The following LCK variants were observed in gnomAD, a reference collection of about 807,000 sequenced individuals.
The protein encoded by LCK is LCK proto-oncogene, Src family tyrosine kinase.
A neutral mutation model predicts 64.6 loss-of-function variants in LCK; 14 were observed. That is an observed-to-expected ratio of 0.22 (90% CI 0.14 to 0.34). The LOEUF is 0.34. Ranked by LOEUF, LCK falls within the 10% of genes least tolerant of loss-of-function variation. The pLI is 1.00. For synonymous variants in LCK, 277 were observed against 263.6 expected, an observed-to-expected ratio of 1.05 and a Z score of -0.49; for missense variants, 434 against 668.1, an observed-to-expected ratio of 0.65 and a Z score of 3.86.
At chr1:32,268,235 T>C (rs994120236) in intron 1 of LCK, among the ~76,000 whole-genome samples, 2 of 151,942 alleles carry the variant, frequency 1.3e-5, no homozygotes, top group Non-Finnish European at 2.9e-5. Context: ...GAAATGCAAA[T>C]GCAGAAAGAG....
Position 32,285,620 on chromosome 1 carries a change from G to A in LCK, c.1434G>A (p.Lys478=). 6.2e-7 allele frequency: 1 copy of A among 1,614,232 alleles called. No individual in the cohort carries two copies. Among genetic ancestry groups the A allele is most frequent in the Non-Finnish European group, 8.5e-7 (1 of 1,180,046 alleles). The part of the protein sequence containing the change: ...ELYQLMRLCW[K]ERPEDRPTFD... ...ACCAACTCATGAGGCTGTGCTGGAA[G>A]GAGCGCCCAGAGGACCGGCCCACCT... Residue 478 remains lysine (K), a synonymous_variant, in exon 13 of 13, where the codon AAG becomes AAA. Coordinates refer to ENST00000336890, the MANE Select transcript of LCK (RefSeq NM_005356.5).
intron 1 of LCK, among the ~76,000 whole-genome samples, chr1:32,259,548 A>T (rs896834083): frequency 6.6e-6 from 1 of 151,614 alleles, no homozygotes; most frequent in African/African-American, 2.4e-5. Flanking sequence ...TGAACCTGGG[A>T]GGCAGAGGTT....
chr1:32,274,599 C>A, intron 2 of LCK, 138 bp from the exon 3 acceptor site: 1 of 914,738 alleles, frequency 1.1e-6, no homozygotes, highest in Non-Finnish European at 1.7e-6. Context: ...CTCCTAAGAT[C>A]ACACAGAAAG....
intron 12 of LCK, among the ~76,000 whole-genome samples, chr1:32,284,251 G>GATATATATATAT (rs149802834): frequency 7.2e-6 from 1 of 138,522 alleles, no homozygotes; most frequent in African/African-American, 2.7e-5. Flanking sequence ...TGCTTTCTGT[G>GATATATATATAT]ATATATATAT....
intron 1 of LCK, chr1:32,274,081 G>A: frequency 2.7e-6 from 2 of 728,974 alleles, no homozygotes; most frequent in Non-Finnish European, 4.3e-6. Flanking sequence ...CATCCCAGGT[G>A]GGAGGGTGGG....
intron 1 of LCK, among the ~76,000 whole-genome samples, chr1:32,272,231 A>C (rs1405217456): frequency 6.6e-6 from 1 of 151,720 alleles, no homozygotes; most frequent in African/African-American, 2.4e-5. Flanking sequence ...TTGCAGGAAA[A>C]AAAAAAAAGG....
At position 32,251,702 on chromosome 1, in the gene LCK, G is replaced by A. The variant is rs1417913382; in HGVS notation, c.-6+331G>A. On this transcript the variant is annotated intron_variant, in intron 1 of 12. Transcript: ENST00000336890. This position sits in a 1 kb window ranked among gnomAD's most constrained non-coding sequence, Gnocchi z 4.0. The stretch of plus-strand genomic sequence containing the variant: ...CCAGTCCCTCAGGCCATGAGGATGA[G>A]GCTCCTGAGGCCCAGAGAGAACAAG... Among the ~76,000 whole-genome samples, 2 of 152,164 alleles carry A rather than the reference G, an allele frequency of 1.3e-5. No homozygotes were observed. Among genetic ancestry groups the A allele is most frequent in the Non-Finnish European group, 2.9e-5 (2 of 68,030 alleles).
chr1:32,251,894 AAGAGAGAGAGAGAGAGAGAGAGAGAG>A lies in LCK; in HGVS notation c.-6+541_-6+566del. On this transcript the variant is annotated intron_variant, in intron 1 of 12. Transcript: ENST00000336890. This position sits in a 1 kb window ranked among gnomAD's most constrained non-coding sequence, Gnocchi z 4.0. ...CCCCAGTGACAAGAATCTCCTGAGA[AAGAGAGAGAGAGAGAGAGAGAGAGAG>A]AGAGAGAGAGAGAGAGACAGAGATC... Among the ~76,000 whole-genome samples the A allele has an allele frequency of 7.6e-6, 1 of 132,342 alleles. No individual in the cohort carries two copies. Among genetic ancestry groups the A allele is most frequent in the East Asian group, 2.3e-4 (1 of 4,384 alleles). 86.8% of individuals were successfully genotyped at this position (132,342 alleles called of 152,430 possible).
At chr1:32,272,962 TG>T (rs1411624767) in intron 1 of LCK, among the ~76,000 whole-genome samples, 2 of 132,844 alleles carry the variant, frequency 1.5e-5, no homozygotes, top group Non-Finnish European at 3.2e-5. Context: ...TGTGTGTGTG[TG>T]GGGTGAGTGC....
chr1:32,275,624 G>A lies in LCK; in HGVS notation c.433G>A (p.Gly145Arg). 3.2e-6 allele frequency: 5 copies of A among 1,573,878 alleles called. No homozygotes were observed. Among genetic ancestry groups the A allele is most frequent in the Non-Finnish European group, 4.3e-6 (5 of 1,160,186 alleles). Residue 145 changes from glycine to arginine, a missense_variant, in exon 6 of 13, where the codon GGG becomes AGG. Around this residue, in one of 2 missense-constraint regions of LCK, gnomAD observed 233 missense variants for 291.2 expected, o/e 0.80. Coordinates refer to ENST00000336890, the MANE Select transcript of LCK (RefSeq NM_005356.5). This position sits in a 1 kb window ranked among gnomAD's most constrained non-coding sequence, Gnocchi z 6.9. ...KDAERQLLAP[G>R]NTHGSFLIRE... ...CGCGGAGCGGCAGCTCCTGGCGCCCGGGAACACTCACGGCTCCTTCCTCAT... is the reference window on the plus strand; with the variant it reads ...CGCGGAGCGGCAGCTCCTGGCGCCCAGGAACACTCACGGCTCCTTCCTCAT...
intron 12 of LCK, 136 bp downstream of exon 12, chr1:32,280,346 G>A (rs970662301): frequency 1.6e-5 from 17 of 1,091,358 alleles, no homozygotes; most frequent in Admixed American, 2.7e-5. Flanking sequence ...TGAGTCCAAC[G>A]TCCCCAGGCA....
At chr1:32,284,640 G>A (rs1640562858) in intron 12 of LCK, among the ~76,000 whole-genome samples, 1 of 152,122 alleles carries the variant, frequency 6.6e-6, no homozygotes, top group African/African-American at 2.4e-5. Context: ...ACCATGCTGG[G>A]ATTACAGGCA....
At chr1:32,281,296 A>C (rs545245310) in intron 12 of LCK, among the ~76,000 whole-genome samples, 86 of 150,942 alleles carry the variant, frequency 5.7e-4, no homozygotes, top group Non-Finnish European at 9.6e-4. Context: ...AACAAACAAA[A>C]AAAACATTTA....
At chr1:32,280,443 CTTTTTT>C (rs770430504) in intron 12 of LCK, among the ~76,000 whole-genome samples, 2 of 84,744 alleles carry the variant, frequency 2.4e-5, no homozygotes, top group African/African-American at 5.5e-5. Context: ...TTTTCTTTTT[CTTTTTT>C]TTTTTTTTTT....
At chr1:32,270,148 C>G (rs1244298099) in intron 1 of LCK, among the ~76,000 whole-genome samples, 1 of 151,970 alleles carries the variant, frequency 6.6e-6, no homozygotes, top group African/African-American at 2.4e-5. Context: ...TCTCTGTCAC[C>G]CAAGTTGGAG....
In LCK at chr1:32,275,495, CGGT is replaced by C. The variant is rs1640233009; in HGVS notation, c.378-72_378-70del. On this transcript the variant is annotated intron_variant, in intron 5 of 12. Transcript: ENST00000336890. The surrounding 1 kb of genome is among the most constrained non-coding windows in gnomAD (Gnocchi z 6.9). The stretch of plus-strand genomic sequence containing the variant: ...GGAGCAGGGAGTAGGCCTGGGGTGG[CGGT>C]GAAGGCTTGAGGGCCACGGAGGAAG... 3.2e-6 allele frequency: 5 copies of C among 1,564,326 alleles called. No individual in the cohort carries two copies. Among genetic ancestry groups the C allele is most frequent in the Non-Finnish European group, 4.4e-6 (5 of 1,145,464 alleles).
intron 1 of LCK, among the ~76,000 whole-genome samples, chr1:32,270,354 T>C (rs1569937631): frequency 6.6e-6 from 1 of 150,526 alleles, no homozygotes. Flanking sequence ...TCCACCCACC[T>C]TGGCCTCCCA....
At position 32,275,686 on chromosome 1, in the gene LCK, G is replaced by A; in HGVS notation, c.481+14G>A. The A allele has an allele frequency of 1.3e-6, 2 of 1,550,690 alleles. No individual in the cohort carries two copies. The highest frequency in any genetic ancestry group is 1.7e-6 in the Non-Finnish European group (2 of 1,149,076). ...AGAGCACCGCGGGTGAGCGGGCGGC[G>A]GTCTCGACCGGGCGCGGGGGTGCCC... On this transcript the variant is annotated intron_variant, in intron 6 of 12. Transcript: ENST00000336890. The surrounding 1 kb of genome is among the most constrained non-coding windows in gnomAD (Gnocchi z 6.9).
intron 1 of LCK, among the ~76,000 whole-genome samples, chr1:32,263,318 A>G (rs1453916103): frequency 6.6e-6 from 1 of 152,006 alleles, no homozygotes; most frequent in Non-Finnish European, 1.5e-5. Flanking sequence ...GCTTGAACCC[A>G]GGATGTGGAG....
Sources: allele counts gnomAD v4.1 joint callset (sites outside exome capture counted in the v4.1 genomes callset), GRCh38; gene constraint gnomAD v4.1.1; regional missense constraint gnomAD v4.1.1; non-coding constraint Gnocchi (gnomAD v3.1); transcripts MANE v1.5; gene names NCBI Gene and HGNC (gene_info 2026-07-23, HGNC 2026-07-21).